Variants in PTPRD observed in about 807,000 individuals in gnomAD.
PTPRD encodes protein tyrosine phosphatase receptor type D, also known as receptor-type tyrosine-protein phosphatase delta.
PTPRD carries 34 observed loss-of-function variants against 214.5 expected under a neutral mutation model. The ratio of observed to expected loss-of-function variants is 0.16; its 90% CI spans 0.12 to 0.21. PTPRD has a LOEUF of 0.21. Among genes scored for constraint, PTPRD ranks in the 10% least tolerant of loss-of-function variants. The pLI is 1.00. For synonymous variants in PTPRD, 1,128 were observed against 845.7 expected (o/e 1.33, Z -5.79); for missense variants, 2,545 against 2,398.7 (o/e 1.06, Z -1.27).
chr9:9,755,627 T>G (rs2098561383), intron 6 of PTPRD, among the ~76,000 whole-genome samples: 3 of 152,114 alleles, frequency 2.0e-5, no homozygotes, highest in Admixed American at 2.0e-4. Flanking sequence ...CTACTGTTAC[T>G]TGATACAGCT....
chr9:10,611,960 A>G (rs1415417636), intron 2 of PTPRD, among the ~76,000 whole-genome samples: 1 of 145,052 alleles, frequency 6.9e-6, no homozygotes, highest in East Asian at 2.2e-4. Flanking sequence ...AAAACAACCA[A>G]CCAACTGAAG....
At chr9:9,110,270 G>A (rs2099804201) in intron 10 of PTPRD, among the ~76,000 whole-genome samples, 1 of 151,958 alleles carries the variant, frequency 6.6e-6, no homozygotes, top group Admixed American at 6.6e-5. Context: ...CACGTCTTTA[G>A]GTCAGTTTTT....
At chr9:9,893,148 T>C (rs924085733) in intron 5 of PTPRD, among the ~76,000 whole-genome samples, 2 of 152,044 alleles carry the variant, frequency 1.3e-5, no homozygotes, top group Non-Finnish European at 2.9e-5. Flanking sequence ...AGAGCTATGA[T>C]CTTGTTCTTT....
chr9:8,543,625 A>C (rs2079054145), intron 14 of PTPRD, among the ~76,000 whole-genome samples: 1 of 152,246 alleles, frequency 6.6e-6, no homozygotes, highest in Non-Finnish European at 1.5e-5. Flanking sequence ...TTATAGTTAC[A>C]TGGGCACATG....
chr9:10,575,700 T>C (rs139653414), intron 2 of PTPRD, among the ~76,000 whole-genome samples: 1,847 of 152,236 alleles, frequency 0.012, 16 homozygotes, highest in South Asian at 0.02. Flanking sequence ...CTAGGTCATA[T>C]CTTCAAAAGA....
At chr9:9,262,153 T>A (rs1298122831) in intron 9 of PTPRD, among the ~76,000 whole-genome samples, 3 of 151,742 alleles carry the variant, frequency 2.0e-5, no homozygotes, top group Non-Finnish European at 3.0e-5. Flanking sequence ...GACTGGGTCA[T>A]GAAAGCAATA....
At chr9:8,776,652 G>C (rs1215051674) in intron 11 of PTPRD, among the ~76,000 whole-genome samples, 1 of 151,924 alleles carries the variant, frequency 6.6e-6, no homozygotes, top group South Asian at 2.1e-4. Flanking sequence ...GGCTCTGTAA[G>C]ATTATTTTAG....
chr9:8,493,068 A>G, intron 26 of PTPRD, 89 bp from the exon 27 acceptor site: 1 of 1,021,616 alleles, frequency 9.8e-7, no homozygotes, highest in Non-Finnish European at 1.5e-6. Flanking sequence ...CATTCTGCAA[A>G]TGCTCGCACA....
intron 9 of PTPRD, among the ~76,000 whole-genome samples, chr9:9,212,189 C>G (rs2099949202): frequency 6.6e-6 from 1 of 151,876 alleles, no homozygotes; most frequent in African/African-American, 2.4e-5. Context: ...ATTCCATGTT[C>G]TTAGGTAATG....
intron 9 of PTPRD, among the ~76,000 whole-genome samples, chr9:9,239,307 T>A (rs1318186729): frequency 6.6e-6 from 1 of 152,162 alleles, no homozygotes; most frequent in Non-Finnish European, 1.5e-5. Flanking sequence ...AAGATAATTT[T>A]AAATTTTTTG....
intron 14 of PTPRD, among the ~76,000 whole-genome samples, chr9:8,535,467 T>A (rs1435654305): frequency 7.9e-5 from 12 of 151,920 alleles, no homozygotes; most frequent in Non-Finnish European, 1.8e-4. Context: ...ATCCATATTG[T>A]CAGATGATTT....
chr9:10,452,265 A>G (rs2098846631), intron 2 of PTPRD, among the ~76,000 whole-genome samples: 1 of 151,948 alleles, frequency 6.6e-6, no homozygotes, highest in African/African-American at 2.4e-5. Context: ...GTCATTGTGA[A>G]TGATGCTTCA....
intron 11 of PTPRD, among the ~76,000 whole-genome samples, chr9:8,753,817 A>C (rs1340042165): frequency 6.6e-6 from 1 of 152,216 alleles, no homozygotes; most frequent in Non-Finnish European, 1.5e-5. Context: ...ACTTAAATAA[A>C]TGGATGATTA....
intron 11 of PTPRD, among the ~76,000 whole-genome samples, chr9:8,785,522 C>T (rs139529632): frequency 1.3e-5 from 2 of 152,280 alleles, no homozygotes; most frequent in African/African-American, 4.8e-5. Flanking sequence ...ATGTGAATCG[C>T]CTTACTATTG....
intron 3 of PTPRD, among the ~76,000 whole-genome samples, chr9:10,222,229 G>C (rs1445771578): frequency 6.6e-6 from 1 of 151,980 alleles, no homozygotes; most frequent in African/African-American, 2.4e-5. Flanking sequence ...CCTGCTATGA[G>C]AGTTCATATT....
intron 11 of PTPRD, among the ~76,000 whole-genome samples, chr9:8,851,686 A>T (rs2097818199): frequency 2.0e-5 from 3 of 152,216 alleles, no homozygotes; most frequent in Non-Finnish European, 2.9e-5. Context: ...AATTTAAAAT[A>T]CAAAATAAGA....
chr9:9,540,212 G>A (rs10977840), intron 8 of PTPRD, among the ~76,000 whole-genome samples: 1 of 151,914 alleles, frequency 6.6e-6, no homozygotes, highest in East Asian at 1.9e-4. Flanking sequence ...ATGCTGGTGT[G>A]ACAGGATCAG....
chr9:9,633,151 CAT>C (rs1490831857), intron 7 of PTPRD, among the ~76,000 whole-genome samples: 2 of 151,796 alleles, frequency 1.3e-5, no homozygotes, highest in African/African-American at 2.4e-5. Context: ...AAAAATTAAA[CAT>C]GTGTGAGGGT....
At chr9:10,469,361 G>T (rs1344136761) in intron 2 of PTPRD, among the ~76,000 whole-genome samples, 1 of 152,004 alleles carries the variant, frequency 6.6e-6, no homozygotes, top group Non-Finnish European at 1.5e-5. Flanking sequence ...CAAAATAATT[G>T]AAAAACATTA....
Sources: allele counts gnomAD v4.1 joint callset (sites outside exome capture counted in the v4.1 genomes callset), GRCh38; gene constraint gnomAD v4.1.1; transcripts MANE v1.5; gene names NCBI Gene and HGNC (gene_info 2026-07-23, HGNC 2026-07-21).